The following FARP1 variants were observed in gnomAD, a reference collection of about 807,000 sequenced individuals.
FARP1 encodes FERM, ARHGEF and pleckstrin domain-containing protein 1.
Under a neutral mutation model 128.8 loss-of-function variants are expected in FARP1, and 52 were observed. The observed-to-expected ratio is 0.40, with a 90% CI of 0.32 to 0.51. FARP1 has a LOEUF of 0.51. FARP1 is among the 20% of genes least tolerant of loss of function. The pLI is 0.45. For synonymous variants in FARP1, 580 were observed against 551.8 expected, an observed-to-expected ratio of 1.05 and a Z score of -0.72; for missense variants, 1,333 against 1,367.9, an observed-to-expected ratio of 0.97 and a Z score of 0.40.
chr13:98,165,717 T>TC (rs1877210591), intron 1 of FARP1, among the ~76,000 whole-genome samples: 2 of 56,534 alleles, frequency 3.5e-5, no homozygotes, highest in Admixed American at 1.9e-4. Context: ...GGGGTTTTTT[T>TC]TTTTTTTTTT....
chr13:98,277,316 C>T (rs1884710324), intron 2 of FARP1, among the ~76,000 whole-genome samples: 1 of 152,084 alleles, frequency 6.6e-6, no homozygotes, highest in Admixed American at 6.6e-5. Flanking sequence ...CCTTGCCTGG[C>T]TAATTTTTAT....
intron 5 of FARP1, among the ~76,000 whole-genome samples, chr13:98,373,880 C>G (rs927204119): frequency 1.3e-5 from 2 of 151,972 alleles, no homozygotes; most frequent in African/African-American, 4.8e-5. Context: ...CTATTAAAGG[C>G]CCTTTTGAAA....
intron 2 of FARP1, among the ~76,000 whole-genome samples, chr13:98,282,909 TAAAAA>T (rs913595588): frequency 4.0e-5 from 6 of 150,898 alleles, no homozygotes; most frequent in African/African-American, 1.2e-4. Context: ...CAAAAAAAAA[TAAAAA>T]AAAATAAAAA....
In FARP1 at chr13:98,232,175, A is replaced by G. The variant is rs539091164; in HGVS notation, c.171+18762A>G. 6.6e-5 allele frequency among the ~76,000 whole-genome samples: 6 copies of G among 91,592 alleles called. No homozygotes were observed. The East Asian group carries it at 1.5e-3, about 23-fold the overall frequency. The allele number at this position is 91,592 out of a possible 152,430, so 60.1% of individuals were successfully genotyped here. A position where few individuals can be genotyped will look rare whatever the true frequency, so the allele number is the denominator to read the frequency against. ...TTTTTTTTTTTTTTTTTGCTTAACT[A>G]ATGAATCTTTAGGGGCCTGTTGTTT... On this transcript the variant is annotated intron_variant, in intron 2 of 26. Coordinates refer to ENST00000319562, the MANE Select transcript of FARP1 (RefSeq NM_005766.4).
intron 2 of FARP1, among the ~76,000 whole-genome samples, chr13:98,246,020 G>A (rs1883032398): frequency 6.7e-6 from 1 of 148,942 alleles, no homozygotes; most frequent in Non-Finnish European, 1.5e-5. Flanking sequence ...CAGGCAATCT[G>A]CCCCCCTCAG....
chr13:98,448,510 C>T lies in FARP1; in HGVS notation c.*193C>T. The T allele has an allele frequency of 1.7e-6, 1 of 583,872 alleles. No individual in the cohort carries two copies. The highest frequency in any genetic ancestry group is 2.0e-5 in the South Asian group (1 of 48,956). 36.2% of individuals were successfully genotyped at this position (583,872 alleles called of 1,614,324 possible). A position where few individuals can be genotyped will look rare whatever the true frequency, so the allele number is the denominator to read the frequency against. On this transcript the variant is annotated 3_prime_UTR_variant, in exon 27 of 27. Transcript: ENST00000319562. ...GTCTGAATGAACAGCGCTCCCACCT[C>T]CAGTCCTGGCATCCGCTGGGGGCGC...
rs73565101 is a variant in FARP1, at chr13:98,229,763, T to C, written c.171+16350T>C. On this transcript the variant is annotated intron_variant, in intron 2 of 26. Coordinates refer to ENST00000319562, the MANE Select transcript of FARP1 (RefSeq NM_005766.4). ...AGTTCTTTTTTTTGTTTTTAGTGGA[T>C]AAGGGTTACACAGCATAGCATATAA... Among the ~76,000 whole-genome samples the C allele has an allele frequency of 8.8e-3, 1,331 of 151,918 alleles. 25 individuals carry two copies. Among genetic ancestry groups the C allele is most frequent in the African/African-American group, 0.029 (1,219 of 41,420 alleles).
chr13:98,204,191 C>T (rs1490018550), intron 1 of FARP1: 1 of 152,242 alleles, frequency 6.6e-6, no homozygotes, highest in Non-Finnish European at 1.5e-5. Flanking sequence ...GCCCTCACAT[C>T]CAGATTCTCC....
chr13:98,183,310 C>CT (rs1227631548), intron 1 of FARP1, among the ~76,000 whole-genome samples: 2 of 152,164 alleles, frequency 1.3e-5, no homozygotes, highest in Non-Finnish European at 2.9e-5. Flanking sequence ...TTCTTCAACT[C>CT]TATCAGTCCA....
At chr13:98,240,161 C>A (rs1320663797) in intron 2 of FARP1, among the ~76,000 whole-genome samples, 1 of 152,164 alleles carries the variant, frequency 6.6e-6, no homozygotes, top group South Asian at 2.1e-4. Context: ...GTGGCTGGGG[C>A]CTTGTGCTGC....
chr13:98,403,223 A>G (rs1890844272), intron 13 of FARP1: 1 of 152,166 alleles, frequency 6.6e-6, no homozygotes, highest in African/African-American at 2.4e-5. Context: ...GGGTGATGCC[A>G]TATTTCACTA....
At chr13:98,421,092 G>A (rs886152399) in intron 16 of FARP1, among the ~76,000 whole-genome samples, 6 of 152,218 alleles carry the variant, frequency 3.9e-5, no homozygotes, top group South Asian at 4.1e-4. Flanking sequence ...ACCACATCGC[G>A]TAGAGCTGAC....
chr13:98,291,672 C>G (rs1566840514), intron 2 of FARP1, among the ~76,000 whole-genome samples: 1 of 152,178 alleles, frequency 6.6e-6, no homozygotes, highest in Non-Finnish European at 1.5e-5. Context: ...GGGAGTCACT[C>G]CTTGTACTCC....
In FARP1 at chr13:98,451,290, C is replaced by T. The variant is rs1330500652; in HGVS notation, c.*2973C>T. 1.3e-5 allele frequency: 2 copies of T among 152,170 alleles called. No homozygotes were observed. Among genetic ancestry groups the T allele is most frequent in the Non-Finnish European group, 2.9e-5 (2 of 68,044 alleles). 9.4% of individuals were successfully genotyped at this position (152,170 alleles called of 1,614,324 possible). On this transcript the variant is annotated 3_prime_UTR_variant, in exon 27 of 27. Transcript: ENST00000319562. ...CAAAACTCATCTTTGACTTATGCCG[C>T]CGGCCTCACGTAAGGAAACAGTTCC...
intron 2 of FARP1, among the ~76,000 whole-genome samples, chr13:98,266,345 A>C (rs968175118): frequency 1.3e-5 from 2 of 152,168 alleles, no homozygotes; most frequent in African/African-American, 4.8e-5. Flanking sequence ...TCGGCCACAT[A>C]CTAGCTGTGT....
At chr13:98,290,825 G>A (rs1377697262) in intron 2 of FARP1, among the ~76,000 whole-genome samples, 1 of 152,178 alleles carries the variant, frequency 6.6e-6, no homozygotes, top group East Asian at 1.9e-4. Flanking sequence ...ATGACTCCAA[G>A]GTTTTTGGGC....
chr13:98,317,998 C>G (rs1846258807), intron 2 of FARP1, among the ~76,000 whole-genome samples: 1 of 149,150 alleles, frequency 6.7e-6, no homozygotes, highest in Non-Finnish European at 1.5e-5. Flanking sequence ...TCTTCCTCAT[C>G]CTCCTCCTCC....
At chr13:98,256,995 A>T in intron 2 of FARP1, among the ~76,000 whole-genome samples, 1 of 136,586 alleles carries the variant, frequency 7.3e-6, no homozygotes, top group Non-Finnish European at 1.6e-5. Flanking sequence ...ATATATACCG[A>T]AAGATTTCCC....
At chr13:98,251,087 C>T (rs184216256) in intron 2 of FARP1, among the ~76,000 whole-genome samples, 1 of 152,252 alleles carries the variant, frequency 6.6e-6, no homozygotes, top group African/African-American at 2.4e-5. Context: ...ATGACGATTT[C>T]TAATATATGA....
Sources: gnomAD v4.1 joint callset for allele counts (sites outside exome capture counted in the v4.1 genomes callset) on GRCh38, gnomAD v4.1.1 for gene constraint, MANE v1.5 for transcripts, NCBI Gene and HGNC (gene_info 2026-07-23, HGNC 2026-07-21) for gene names.